Variants in KALRN observed in about 807,000 individuals in gnomAD.
KALRN encodes kalirin RhoGEF kinase.
Under a neutral mutation model 353.7 loss-of-function variants are expected in KALRN, and 70 were observed. The ratio of observed to expected loss-of-function variants is 0.20; its 90% CI spans 0.16 to 0.24. The LOEUF is 0.24. KALRN is among the 10% of genes least tolerant of loss of function. The pLI, the probability that KALRN is intolerant of heterozygous loss-of-function variation, is 1.00. For missense variants in KALRN, 2,791 were observed against 3,756.7 expected (o/e 0.74, Z 6.72); for synonymous variants, 1,391 against 1,434.8 (o/e 0.97, Z 0.69).
rs10639598 is a variant in KALRN at position 124,466,034 on chromosome 3, C to CTGTGTGTGTGTGTGTGTG, written c.4031+3427_4031+3444dup. Among the ~76,000 whole-genome samples, 59 of 147,450 alleles carry CTGTGTGTGTGTGTGTGTG rather than the reference C, an allele frequency of 4.0e-4. 2 individuals are homozygous for CTGTGTGTGTGTGTGTGTG. The East Asian group carries it at 5.9e-3, about 15-fold the overall frequency. On this transcript the variant is annotated intron_variant, in intron 25 of 59. Transcript: ENST00000682506. ...ACCAGGATTAGTTCTCTCTCTTGCT[C>CTGTGTGTGTGTGTGTGTG]TGTGTGTGTGTGTGTGTGTGTGTGT...
rs181587469 is a variant in KALRN, at chr3:124,152,081, A to C, written c.74-75909A>C. 2.3e-6 allele frequency: 3 copies of C among 1,286,122 alleles called. No homozygotes were observed. The East Asian group carries it at 6.9e-5, about 30-fold the overall frequency. 79.7% of individuals were successfully genotyped at this position (1,286,122 alleles called of 1,614,324 possible). ...TGGAGAAGATAATTTAAAGGGCCAC[A>C]GGAAGTTATTTGCTTCTTTGAAGCG... On this transcript the variant is annotated intron_variant, in intron 1 of 59. Coordinates refer to ENST00000682506, the MANE Select transcript of KALRN (RefSeq NM_001388419.1).
chr3:124,353,894 C>T (rs899281657), intron 10 of KALRN, among the ~76,000 whole-genome samples: 35 of 152,262 alleles, frequency 2.3e-4, no homozygotes, highest in South Asian at 1.9e-3. Context: ...ACACGTTTCC[C>T]GTTGGGGTGG....
chr3:124,211,913 T>G (rs1262274956), intron 1 of KALRN, among the ~76,000 whole-genome samples: 1 of 152,182 alleles, frequency 6.6e-6, no homozygotes, highest in Non-Finnish European at 1.5e-5. Context: ...GAAGGCTTCC[T>G]GGAGGAAGAG....
At chr3:124,681,016 G>A (rs1259894437) in intron 51 of KALRN, among the ~76,000 whole-genome samples, 4 of 152,188 alleles carry the variant, frequency 2.6e-5, no homozygotes, top group Non-Finnish European at 4.4e-5. Context: ...AGTATTGCCA[G>A]CATGTATTAT....
At chr3:124,077,276 A>C (rs1054829813) in intron 1 of KALRN, among the ~76,000 whole-genome samples, 1 of 152,192 alleles carries the variant, frequency 6.6e-6, no homozygotes, top group African/African-American at 2.4e-5. Flanking sequence ...CTGAGCTCAG[A>C]TGCCCCAGAT....
chr3:124,101,125 C>T (rs1257637297), intron 1 of KALRN, among the ~76,000 whole-genome samples: 3 of 152,204 alleles, frequency 2.0e-5, no homozygotes, highest in Admixed American at 2.0e-4. Flanking sequence ...TTACAAACTT[C>T]AACCATTTTC....
At chr3:124,295,278 G>C (rs1270728815) in intron 5 of KALRN, among the ~76,000 whole-genome samples, 1 of 152,118 alleles carries the variant, frequency 6.6e-6, no homozygotes, top group Non-Finnish European at 1.5e-5. Context: ...CACCTCTTTG[G>C]AGCGCCACCT....
At chr3:124,296,779 A>C (rs1580649986) in intron 5 of KALRN, among the ~76,000 whole-genome samples, 1 of 152,204 alleles carries the variant, frequency 6.6e-6, no homozygotes, top group South Asian at 2.1e-4. Context: ...ACAGTGGGCT[A>C]TCCCAGTTCT....
intron 33 of KALRN, among the ~76,000 whole-genome samples, chr3:124,560,939 G>A (rs1034929992): frequency 1.1e-4 from 17 of 152,182 alleles, no homozygotes; most frequent in Non-Finnish European, 2.4e-4. Flanking sequence ...GTGTGATTGA[G>A]GGGTGGAGCA....
intron 1 of KALRN, among the ~76,000 whole-genome samples, chr3:124,122,534 C>T (rs1434595935): frequency 2.0e-5 from 3 of 152,264 alleles, no homozygotes; most frequent in Non-Finnish European, 4.4e-5. Flanking sequence ...GTGCTCACTT[C>T]GTGTCTCTAT....
chr3:124,700,251 G>A (rs1045535844), intron 56 of KALRN, among the ~76,000 whole-genome samples: 3 of 152,202 alleles, frequency 2.0e-5, no homozygotes, highest in African/African-American at 7.2e-5. Context: ...GTTCCCTGGG[G>A]AATGAGTATG....
At position 124,334,544 on chromosome 3, in the gene KALRN, C is replaced by A; in HGVS notation, c.1647+49C>A. ...TCCATTATCCATTCTAGGAGGCAGA[C>A]CGAGCTCAAGTCCCTGACCTAGGTG... On this transcript the variant is annotated intron_variant, in intron 9 of 59. Coordinates refer to ENST00000682506, the MANE Select transcript of KALRN (RefSeq NM_001388419.1). This position sits in a 1 kb window ranked among gnomAD's most constrained non-coding sequence, Gnocchi z 4.2. The A allele has an allele frequency of 7.2e-7, 1 of 1,379,334 alleles. No individual in the cohort carries two copies. Among genetic ancestry groups the A allele is most frequent in the Non-Finnish European group, 1.0e-6 (1 of 989,076 alleles). 85.4% of individuals were successfully genotyped at this position (1,379,334 alleles called of 1,614,324 possible). A position where few individuals can be genotyped will look rare whatever the true frequency, so the allele number is the denominator to read the frequency against.
At chr3:124,341,156 G>A (rs2081662452) in intron 9 of KALRN, among the ~76,000 whole-genome samples, 1 of 152,306 alleles carries the variant, frequency 6.6e-6, no homozygotes. Context: ...TCAAGGATGT[G>A]AGCATCTCTT....
chr3:124,262,424 G>A (rs1417419723), intron 3 of KALRN, among the ~76,000 whole-genome samples: 1 of 152,190 alleles, frequency 6.6e-6, no homozygotes, highest in African/African-American at 2.4e-5. Context: ...TAATGGGAAA[G>A]AAATCCTGTA....
chr3:124,401,934 G>A (rs1215096651), intron 13 of KALRN, among the ~76,000 whole-genome samples: 2 of 152,192 alleles, frequency 1.3e-5, no homozygotes, highest in Admixed American at 6.5e-5. Flanking sequence ...GTGAAACTGA[G>A]GGTGGTTTCT....
intron 57 of KALRN, among the ~76,000 whole-genome samples, chr3:124,703,592 G>T (rs2062452713): frequency 6.6e-6 from 1 of 150,510 alleles, no homozygotes; most frequent in South Asian, 2.1e-4. Context: ...AAAGTGCTGA[G>T]ATTACAGGCC....
chr3:124,260,491 C>T (rs2072689007), intron 3 of KALRN, among the ~76,000 whole-genome samples: 1 of 152,168 alleles, frequency 6.6e-6, no homozygotes, highest in Non-Finnish European at 1.5e-5. Context: ...CCCTTTGCCA[C>T]CCCTCAGGCT....
intron 1 of KALRN, among the ~76,000 whole-genome samples, chr3:124,098,772 G>T (rs2061629086): frequency 6.6e-6 from 1 of 151,954 alleles, no homozygotes; most frequent in Non-Finnish European, 1.5e-5. Context: ...ATGTCACCTT[G>T]CAGTCCACTA....
chr3:124,038,830 C>T (rs1266094299), intron 1 of KALRN, among the ~76,000 whole-genome samples: 1 of 152,214 alleles, frequency 6.6e-6, no homozygotes, highest in East Asian at 1.9e-4. Context: ...CCTTCACTCT[C>T]CCAGTCATGA....
Sources: gnomAD v4.1 joint callset for allele counts (sites outside exome capture counted in the v4.1 genomes callset) on GRCh38, gnomAD v4.1.1 for gene constraint, Gnocchi (gnomAD v3.1) non-coding constraint, MANE v1.5 for transcripts, NCBI Gene and HGNC (gene_info 2026-07-23, HGNC 2026-07-21) for gene names.